NFE2L1: variants seen among roughly 807,000 people sequenced by gnomAD.
NFE2L1 encodes endoplasmic reticulum membrane sensor NFE2L1.
A neutral mutation model predicts 61.6 loss-of-function variants in NFE2L1; 18 were observed. The observed-to-expected ratio is 0.29, with a 90% CI of 0.20 to 0.43. NFE2L1 has a LOEUF of 0.43. NFE2L1 is among the 20% of genes least tolerant of loss of function. The pLI, the probability that NFE2L1 is intolerant of heterozygous loss-of-function variation, is 1.00. For synonymous variants in NFE2L1, 419 were observed against 402.7 expected, an observed-to-expected ratio of 1.04 and a Z score of -0.48; for missense variants, 827 against 973.5, an observed-to-expected ratio of 0.85 and a Z score of 2.00.
chr17:48,054,469 C>T, intron 2 of NFE2L1: 1 of 498,792 alleles, frequency 2.0e-6, no homozygotes, highest in Non-Finnish European at 2.9e-6. Flanking sequence ...CCAGCGGAGA[C>T]TTGGGGGAGG....
Position 48,060,616 on chromosome 17 carries a change from C to G in NFE2L1, c.*975C>G, listed in dbSNP as rs1299156287. 1.3e-5 allele frequency: 2 copies of G among 152,830 alleles called. No homozygotes were observed. Among genetic ancestry groups the G allele is most frequent in the Non-Finnish European group, 2.9e-5 (2 of 68,216 alleles). The allele number at this position is 152,830 out of a possible 1,614,324, so 9.5% of individuals were successfully genotyped here. ...AGTGCTCCGGGAACTGGGCCTGCAG[C>G]CTTCCTCTTCTGGGACTGCTGTGAG... On this transcript the variant is annotated 3_prime_UTR_variant, in exon 6 of 6. Coordinates refer to ENST00000362042, the MANE Select transcript of NFE2L1 (RefSeq NM_003204.3).
chr17:48,058,344 C>T lies in NFE2L1; in HGVS notation c.1022C>T (p.Pro341Leu). The change falls in exon 6 of 6, where the codon CCT (proline) becomes CTT (leucine). Residue 341 changes from proline (P) to leucine (L), a missense_variant. By Grantham distance (98) the Pro-to-Leu change is moderately conservative. Coordinates refer to ENST00000362042, the MANE Select transcript of NFE2L1 (RefSeq NM_003204.3). ...SASEILYSAP[P>L]GDPLSTNYSL... ...AGTGAAATCCTGTACAGTGCCCCTCCTGGAGACCCACTGAGCACCAACTAC... is the reference window on the plus strand; with the variant it reads ...AGTGAAATCCTGTACAGTGCCCCTCTTGGAGACCCACTGAGCACCAACTAC... 2.5e-6 allele frequency: 4 copies of T among 1,613,266 alleles called. No homozygotes were observed. The highest frequency in any genetic ancestry group is 2.5e-6 in the Non-Finnish European group (3 of 1,179,516).
intron 1 of NFE2L1, chr17:48,049,094 G>C (rs1294218663): frequency 6.6e-6 from 1 of 152,206 alleles, no homozygotes; most frequent in Non-Finnish European, 1.5e-5. Flanking sequence ...GTGTGTGTAC[G>C]TATAGCTCGC....
At chr17:48,053,689 G>A (rs892975902) in intron 2 of NFE2L1, among the ~76,000 whole-genome samples, 1 of 152,228 alleles carries the variant, frequency 6.6e-6, no homozygotes, top group African/African-American at 2.4e-5. Context: ...CTCCAGGGGA[G>A]CAGCAGTGGG....
chr17:48,057,339 C>T lies in NFE2L1; in HGVS notation c.814-5C>T. ...CCTTGTTAAAGCCTCTGTGTTTTGC[C>T]CTAGTTTCCAGCAGACATTTCCAGC... On this transcript the variant is annotated splice_polypyrimidine_tract_variant and splice_region_variant and intron_variant, in intron 4 of 5. Transcript: ENST00000362042. 6.2e-7 allele frequency: 1 copy of T among 1,612,782 alleles called. No individual in the cohort carries two copies. Among genetic ancestry groups the T allele is most frequent in the East Asian group, 2.2e-5 (1 of 44,876 alleles).
rs1567756339 is a variant in NFE2L1 at position 48,058,828 on chromosome 17, C to CTCCTCT, written c.1515_1520dup (p.Ser508_Ser509dup). ...AAGGCAGTTCTTCCTCTTCTTCCTCCTCCTCTTCCTCTTCTTCCTCTGCTT... is the reference window on the plus strand; with the variant it reads ...AAGGCAGTTCTTCCTCTTCTTCCTCCTCCTCTTCCTCTTCCTCTTCTTCCTCTGCTT... On this transcript the variant is annotated inframe_insertion, in exon 6 of 6. Coordinates refer to ENST00000362042, the MANE Select transcript of NFE2L1 (RefSeq NM_003204.3). 1 of 1,613,996 alleles carries CTCCTCT rather than the reference C, an allele frequency of 6.2e-7. No homozygotes were observed. Among genetic ancestry groups the CTCCTCT allele is most frequent in the Middle Eastern group, 1.7e-4 (1 of 6,060 alleles).
Position 48,059,699 on chromosome 17 carries a change from C to T in NFE2L1, c.*58C>T, listed in dbSNP as rs1447772100. On this transcript the variant is annotated 3_prime_UTR_variant, in exon 6 of 6. Transcript: ENST00000362042. This position sits in a 1 kb window ranked among gnomAD's most constrained non-coding sequence, Gnocchi z 6.1. ...AGACCGAAACTGGAGAAGGGCTGGA[C>T]CTGGACCTGGACCTGGACCTACAGC... The T allele has an allele frequency of 2.5e-6, 3 of 1,205,910 alleles. No homozygotes were observed. The highest frequency in any genetic ancestry group is 2.7e-5 in the Admixed American group (1 of 36,762). 74.7% of individuals were successfully genotyped at this position (1,205,910 alleles called of 1,614,324 possible). A position where few individuals can be genotyped will look rare whatever the true frequency, so the allele number is the denominator to read the frequency against.
chr17:48,055,963 CATGACA>C (rs2037390671), intron 2 of NFE2L1: 1 of 183,178 alleles, frequency 5.5e-6, no homozygotes, highest in Non-Finnish European at 1.2e-5. Context: ...AGTAATTCTG[CATGACA>C]ATTCGCTCTT....
At chr17:48,055,823 G>A (rs1005848878) in intron 2 of NFE2L1, 1 of 158,940 alleles carries the variant, frequency 6.3e-6, no homozygotes, top group Admixed American at 6.0e-5. Context: ...AGGAAGGGCT[G>A]GAGACAGCAT....
At chr17:48,052,966 C>T (rs2037291999) in intron 2 of NFE2L1, among the ~76,000 whole-genome samples, 1 of 152,200 alleles carries the variant, frequency 6.6e-6, no homozygotes, top group African/African-American at 2.4e-5. Context: ...AGGAACATTT[C>T]TTACCTTTCA....
rs1200189238 is a variant in NFE2L1 at position 48,055,630 on chromosome 17, AG to A, written c.511-751del. Reference sequence around the variant, plus strand: ...GGGACACAGTGAGGCTGGCCCGAGCAGGGGGTGGGGTGCACCCCTGGGGATC... The same window carrying A: ...GGGACACAGTGAGGCTGGCCCGAGCAGGGGTGGGGTGCACCCCTGGGGATC... On this transcript the variant is annotated intron_variant, in intron 2 of 5. Coordinates refer to ENST00000362042, the MANE Select transcript of NFE2L1 (RefSeq NM_003204.3). 1.4e-4 allele frequency among the ~76,000 whole-genome samples: 21 copies of A among 150,134 alleles called. No homozygotes were observed. The South Asian group carries it at 2.1e-3, about 15-fold the overall frequency.
At position 48,058,544 on chromosome 17, in the gene NFE2L1, T is replaced by A; in HGVS notation, c.1222T>A (p.Phe408Ile). 1.2e-6 allele frequency: 2 copies of A among 1,613,508 alleles called. No individual in the cohort carries two copies. Among genetic ancestry groups the A allele is most frequent in the Non-Finnish European group, 1.7e-6 (2 of 1,179,614 alleles). Residue 408 changes from phenylalanine (F) to isoleucine (I), a missense_variant, in exon 6 of 6, where the codon TTC (phenylalanine) becomes ATC (isoleucine). By Grantham distance (21) the Phe-to-Ile change is conservative. Transcript: ENST00000362042. The part of the protein sequence containing the change: ...PSNSTSLNST[F>I]GSTNLTGLFF... ...CAATTCTACCAGCCTCAACTCCACCTTCGGCTCCACCAACCTGACAGGGCT... is the reference window on the plus strand; with the variant it reads ...CAATTCTACCAGCCTCAACTCCACCATCGGCTCCACCAACCTGACAGGGCT...
chr17:48,055,774 C>G (rs972496855), intron 2 of NFE2L1, among the ~76,000 whole-genome samples: 1 of 152,042 alleles, frequency 6.6e-6, no homozygotes, highest in Non-Finnish European at 1.5e-5. Flanking sequence ...GGTGTTCAGC[C>G]TTACTCTTGC....
In NFE2L1 at chr17:48,051,600, C is replaced by T. The variant is rs1239198079; in HGVS notation, c.482C>T (p.Pro161Leu). The part of the protein sequence containing the change: ...EDLEDLGAVA[P>L]PVSGDLTKED... ...TTGGAGGATTTGGGGGCTGTAGCCC[C>T]CCCAGTCAGTGGAGACTTAACCAAA... Residue 161 changes from proline (P) to leucine (L), a missense_variant, in exon 2 of 6, where the codon CCC becomes CTC. Transcript: ENST00000362042. 4 of 1,613,800 alleles carry T rather than the reference C, an allele frequency of 2.5e-6. No homozygotes were observed. The highest frequency in any genetic ancestry group is 1.3e-5 in the African/African-American group (1 of 74,916).
In NFE2L1 at chr17:48,050,962, C is replaced by T. The variant is rs907399023; in HGVS notation, c.-157C>T. On this transcript the variant is annotated 5_prime_UTR_variant, in exon 2 of 6. Transcript: ENST00000362042. The stretch of plus-strand genomic sequence containing the variant: ...CACAGGGTGTGCTTTCCTCTGGGGC[C>T]GTCAGGGAGCTCATCCCTTGTGTTC... The T allele has an allele frequency of 2.4e-5, 20 of 824,028 alleles. No individual in the cohort carries two copies. Among genetic ancestry groups the T allele is most frequent in the Middle Eastern group, 3.5e-4 (1 of 2,826 alleles). The allele number at this position is 824,028 out of a possible 1,614,324, so 51.0% of individuals were successfully genotyped here. A position where few individuals can be genotyped will look rare whatever the true frequency, so the allele number is the denominator to read the frequency against.
chr17:48,059,535 A>C lies in NFE2L1; in HGVS notation c.2213A>C (p.Tyr738Ser). The change falls in exon 6 of 6, where the codon TAT becomes TCT. Residue 738 changes from tyrosine (Y) to serine (S), a missense_variant. Physicochemically the swap from Tyr to Ser is moderately radical, Grantham distance 144. Transcript: ENST00000362042. The surrounding 1 kb of genome is among the most constrained non-coding windows in gnomAD (Gnocchi z 6.1). ...ENGRPYSPSQ[Y>S]ALQYAGDGSV... Reference sequence around the variant, plus strand: ...GGACGACCCTACTCGCCCAGTCAGTATGCGCTCCAGTACGCCGGGGACGGC... The same window carrying C: ...GGACGACCCTACTCGCCCAGTCAGTCTGCGCTCCAGTACGCCGGGGACGGC... 1 of 1,613,646 alleles carries C rather than the reference A, an allele frequency of 6.2e-7. No homozygotes were observed. The highest frequency in any genetic ancestry group is 8.5e-7 in the Non-Finnish European group (1 of 1,179,684).
chr17:48,050,376 G>A (rs2037218984), intron 1 of NFE2L1, among the ~76,000 whole-genome samples: 1 of 152,186 alleles, frequency 6.6e-6, no homozygotes, highest in African/African-American at 2.4e-5. Flanking sequence ...ATACTTGGGA[G>A]GCTGAGGCAG....
In NFE2L1 at chr17:48,058,719, C is replaced by T. The variant is rs1238197257; in HGVS notation, c.1397C>T (p.Ala466Val). ...AIEEGFNPVQ[A>V]SQLEEEFDSD... ...GAAGAAGGCTTTAACCCTGTGCAGG[C>T]CTCCCAGCTGGAGGAGGAATTTGAC... Residue 466 changes from alanine to valine, a missense_variant, in exon 6 of 6, where the codon GCC becomes GTC. Ala to Val is a moderately conservative substitution (Grantham distance 64). Around this residue, in one of 3 missense-constraint regions of NFE2L1, gnomAD observed 667 missense variants for 748.4 expected, o/e 0.89. Transcript: ENST00000362042. The T allele has an allele frequency of 1.2e-6, 2 of 1,614,202 alleles. No homozygotes were observed. Among genetic ancestry groups the T allele is most frequent in the East Asian group, 2.2e-5 (1 of 44,884 alleles).
chr17:48,050,803 T>C lies in NFE2L1; in HGVS notation c.-316T>C, dbSNP rs912608698. On this transcript the variant is annotated 5_prime_UTR_variant, in exon 2 of 6. The change abolishes an upstream ATG in the 5' untranslated region. Transcript: ENST00000362042. ...TAATGTGAGTGAGGAAGTGACTGTA[T>C]GTGGACTGTGGAGAAAGTAAGTCAC... 1.9e-5 allele frequency: 11 copies of C among 587,042 alleles called. No individual in the cohort carries two copies. In the African/African-American group the frequency reaches 2.0e-4, roughly 11 times the overall value. 36.4% of individuals were successfully genotyped at this position (587,042 alleles called of 1,614,324 possible). A position where few individuals can be genotyped will look rare whatever the true frequency, so the allele number is the denominator to read the frequency against.
Sources: allele counts gnomAD v4.1 joint callset (sites outside exome capture counted in the v4.1 genomes callset), GRCh38; gene constraint gnomAD v4.1.1; regional missense constraint gnomAD v4.1.1; non-coding constraint Gnocchi (gnomAD v3.1); transcripts MANE v1.5; gene names NCBI Gene and HGNC (gene_info 2026-07-23, HGNC 2026-07-21).